Variants in AFF1 observed in about 807,000 individuals in gnomAD.
AFF1 encodes AF4/FMR2 family member 1.
In AFF1, 48 loss-of-function variants were observed where a neutral mutation model predicts 121.7. That is an observed-to-expected ratio of 0.39 (90% confidence interval 0.31 to 0.50). The LOEUF (loss-of-function observed/expected upper bound fraction) is 0.50, where lower values mean the gene tolerates loss of function less well. Among genes scored for constraint, AFF1 ranks in the 20% least tolerant of loss-of-function variants. AFF1 has a pLI of 0.76. For missense variants in AFF1, 1,523 were observed against 1,511.7 expected (o/e 1.01, Z -0.12); for synonymous variants, 613 against 563.0 (o/e 1.09, Z -1.26).
chr4:87,052,284 T>C (rs1731346992), intron 4 of AFF1, among the ~76,000 whole-genome samples: 1 of 152,040 alleles, frequency 6.6e-6, no homozygotes, highest in Non-Finnish European at 1.5e-5. Flanking sequence ...TGGGAAAAAA[T>C]TAAAAGTAGT....
intron 8 of AFF1, among the ~76,000 whole-genome samples, chr4:87,097,263 C>T (rs1046719349): frequency 2.2e-4 from 33 of 152,218 alleles, no homozygotes; most frequent in African/African-American, 7.5e-4. Context: ...GCAATTGCAC[C>T]GAAGTTGGGT....
chr4:86,988,730 C>T (rs185371586), intron 2 of AFF1, among the ~76,000 whole-genome samples: 138 of 152,230 alleles, frequency 9.1e-4, no homozygotes, highest in African/African-American at 3.0e-3. Flanking sequence ...GCCTATATAA[C>T]GAAGACAATC....
chr4:87,032,286 TATA>T (rs1729155093), intron 2 of AFF1, among the ~76,000 whole-genome samples: 1 of 152,250 alleles, frequency 6.6e-6, no homozygotes, highest in Non-Finnish European at 1.5e-5. Flanking sequence ...TTTCTTCTCC[TATA>T]ATAATCTCCC....
At chr4:87,135,149 C>G (rs1729192191) in intron 20 of AFF1, among the ~76,000 whole-genome samples, 1 of 152,102 alleles carries the variant, frequency 6.6e-6, no homozygotes, top group South Asian at 2.1e-4. Context: ...GCGTAGTAAA[C>G]ATTATTGAGA....
intron 1 of AFF1, among the ~76,000 whole-genome samples, chr4:86,936,663 C>A (rs993267515): frequency 2.0e-5 from 3 of 152,146 alleles, no homozygotes; most frequent in Non-Finnish European, 4.4e-5. Context: ...CCTTAGCTCG[C>A]CTTTCATCTT....
intron 8 of AFF1, among the ~76,000 whole-genome samples, chr4:87,100,832 G>T (rs1725361230): frequency 6.6e-6 from 1 of 152,136 alleles, no homozygotes; most frequent in Admixed American, 6.5e-5. Context: ...CATACTTACT[G>T]ATTTAATCTA....
rs1291067972 is a variant in AFF1, at chr4:87,114,800, G to T, written c.1967G>T (p.Gly656Val). 1 of 1,613,124 alleles carries T rather than the reference G, an allele frequency of 6.2e-7. No homozygotes were observed. Among genetic ancestry groups the T allele is most frequent in the East Asian group, 2.2e-5 (1 of 44,848 alleles). The change falls in exon 12 of 21, where the codon GGA becomes GTA. Residue 656 changes from glycine to valine, a missense_variant. Physicochemically the swap from Gly to Val is moderately radical, Grantham distance 109. Around this residue, in one of 5 missense-constraint regions of AFF1, gnomAD observed 905 missense variants for 842.5 expected, o/e 1.07. Coordinates refer to ENST00000395146, the MANE Select transcript of AFF1 (RefSeq NM_001166693.3). Reference sequence around the variant, plus strand: ...GACAAGCCCAAGGTGAAGACGAAAGGACGGCCCCGGGCCGCAGCAAGCAAC... The same window carrying T: ...GACAAGCCCAAGGTGAAGACGAAAGTACGGCCCCGGGCCGCAGCAAGCAAC... ...SKDKPKVKTK[G>V]RPRAAASNEP...
rs772350759 is a variant in AFF1 at position 87,139,791 on chromosome 4, T to C, written c.*4090T>C. The C allele has an allele frequency of 4.9e-5, 11 of 226,390 alleles. No homozygotes were observed. The South Asian group carries it at 7.3e-4, about 15-fold the overall frequency. The allele number at this position is 226,390 out of a possible 1,614,324, so 14.0% of individuals were successfully genotyped here. A position where few individuals can be genotyped will look rare whatever the true frequency, so the allele number is the denominator to read the frequency against. On this transcript the variant is annotated 3_prime_UTR_variant, in exon 21 of 21. Transcript: ENST00000395146. Reference sequence around the variant, plus strand: ...TTTCCTTCAAACACTGCAAGTGATATTGCCACCATGTGAACCTCAAATATG... The same window carrying C: ...TTTCCTTCAAACACTGCAAGTGATACTGCCACCATGTGAACCTCAAATATG...
In AFF1 at chr4:87,114,605, G is replaced by A. The variant is rs768098097; in HGVS notation, c.1772G>A (p.Ser591Asn). Residue 591 changes from serine to asparagine, a missense_variant, in exon 12 of 21, where the codon AGC becomes AAC. Physicochemically the swap from Ser to Asn is conservative, Grantham distance 46. Around this residue, in one of 5 missense-constraint regions of AFF1, gnomAD observed 905 missense variants for 842.5 expected, o/e 1.07. Coordinates refer to ENST00000395146, the MANE Select transcript of AFF1 (RefSeq NM_001166693.3). The part of the protein sequence containing the change: ...PPEAPHPGKR[S>N]CQKSPAQQEP... ...GAAGCCCCCCACCCCGGAAAGAGGA[G>A]CTGTCAGAAGTCTCCGGCACAGCAG... is the stretch of plus-strand genomic sequence containing the variant. 8.1e-6 allele frequency: 13 copies of A among 1,604,934 alleles called. No individual in the cohort carries two copies. The highest frequency in any genetic ancestry group is 2.8e-5 in the African/African-American group (2 of 72,430).
At chr4:87,011,954 G>C (rs1281545452) in intron 2 of AFF1, among the ~76,000 whole-genome samples, 1 of 152,192 alleles carries the variant, frequency 6.6e-6, no homozygotes, top group Non-Finnish European at 1.5e-5. Flanking sequence ...TCCATAGCTG[G>C]ATTTACACTC....
At chr4:87,042,273 A>G (rs1730239758) in intron 2 of AFF1, among the ~76,000 whole-genome samples, 1 of 152,228 alleles carries the variant, frequency 6.6e-6, no homozygotes, top group South Asian at 2.1e-4. Context: ...GGAGCTTTTA[A>G]CAGATCATTC....
At chr4:87,044,929 A>T (rs1434451186) in intron 2 of AFF1, among the ~76,000 whole-genome samples, 1 of 152,220 alleles carries the variant, frequency 6.6e-6, no homozygotes, top group Non-Finnish European at 1.5e-5. Flanking sequence ...GCAAGAATTT[A>T]GAGTTTATTC....
At position 86,982,763 on chromosome 4, in the gene AFF1, G is replaced by A. The variant is rs375941830; in HGVS notation, c.38+34192G>A. ...CTCTGGAGGCTGAGGCAGGAGAATC[G>A]CTTGAACCCAGGAGGCGGAGGTTGT... On this transcript the variant is annotated intron_variant, in intron 2 of 20. Transcript: ENST00000395146. Among the ~76,000 whole-genome samples the A allele has an allele frequency of 7.4e-4, 106 of 143,248 alleles. No individual in the cohort carries two copies. In the South Asian group the frequency reaches 0.023, roughly 31 times the overall value. The allele number at this position is 143,248 out of a possible 152,430, so 94.0% of individuals were successfully genotyped here.
intron 11 of AFF1, among the ~76,000 whole-genome samples, chr4:87,113,150 T>A (rs1448069226): frequency 6.6e-6 from 1 of 152,152 alleles, no homozygotes; most frequent in African/African-American, 2.4e-5. Flanking sequence ...ATAGTTAAGG[T>A]AACGAGCCAG....
At chr4:87,127,854 GC>G in intron 16 of AFF1, 151 bp downstream of exon 16, 1 of 731,892 alleles carries the variant, frequency 1.4e-6, no homozygotes. Flanking sequence ...GAGTGTATGG[GC>G]CCTACCATTG....
intron 2 of AFF1, among the ~76,000 whole-genome samples, chr4:86,990,232 C>G (rs1724595883): frequency 6.6e-6 from 1 of 151,062 alleles, no homozygotes; most frequent in Non-Finnish European, 1.5e-5. Flanking sequence ...CTTGTAATTC[C>G]AGCATTTTGG....
At position 87,084,220 on chromosome 4, in the gene AFF1, C is replaced by T. The variant is rs1723457239; in HGVS notation, c.1104+56C>T. On this transcript the variant is annotated intron_variant, in intron 5 of 20. Transcript: ENST00000395146. ...AGAAATATTTAAGTAGGTAGGCGTA[C>T]ATCCATTTACTTTCACTTTAAAGAA... The T allele has an allele frequency of 4.5e-6, 7 of 1,548,188 alleles. No homozygotes were observed. In the South Asian group the frequency reaches 5.6e-5, roughly 12 times the overall value.
chr4:86,977,664 T>A (rs2149486794), intron 2 of AFF1, among the ~76,000 whole-genome samples: 1 of 152,340 alleles, frequency 6.6e-6, no homozygotes, highest in East Asian at 1.9e-4. Flanking sequence ...TCTGTGTTTC[T>A]CATACTAGAC....
intron 12 of AFF1, among the ~76,000 whole-genome samples, chr4:87,118,552 T>C (rs1727352919): frequency 6.6e-6 from 1 of 152,254 alleles, no homozygotes; most frequent in South Asian, 2.1e-4. Context: ...TCTCGCTCTG[T>C]TGCCCAGGCT....
Sources: allele counts gnomAD v4.1 joint callset (sites outside exome capture counted in the v4.1 genomes callset), GRCh38; gene constraint gnomAD v4.1.1; regional missense constraint gnomAD v4.1.1; transcripts MANE v1.5; gene names NCBI Gene and HGNC (gene_info 2026-07-23, HGNC 2026-07-21).